The following RASAL2 variants were observed in gnomAD, a reference collection of about 807,000 sequenced individuals.
RASAL2 encodes the protein ras GTPase-activating protein nGAP.
In RASAL2, 58 loss-of-function variants were observed where a neutral mutation model predicts 128.9. That is an observed-to-expected ratio of 0.45 (90% confidence interval 0.36 to 0.56). The LOEUF (loss-of-function observed/expected upper bound fraction) is 0.56, where lower values mean the gene tolerates loss of function less well. RASAL2 is among the 20% of genes least tolerant of loss of function. The pLI is 0.00. For missense variants in RASAL2, 1,360 were observed against 1,601.6 expected (o/e 0.85, Z 2.57); for synonymous variants, 561 against 580.8 (o/e 0.97, Z 0.49).
chr1:178,159,893 A>T (rs1661215803), intron 1 of RASAL2, among the ~76,000 whole-genome samples: 1 of 152,126 alleles, frequency 6.6e-6, no homozygotes, highest in African/African-American at 2.4e-5. Context: ...CGACAGAGCA[A>T]GACTCTGTCT....
At chr1:178,329,206 G>A (rs997977970) in intron 3 of RASAL2, among the ~76,000 whole-genome samples, 1 of 152,136 alleles carries the variant, frequency 6.6e-6, no homozygotes. Context: ...GAGAAAAAAG[G>A]TAAGGTAAAA....
chr1:178,324,922 C>T (rs1469634437), intron 3 of RASAL2, among the ~76,000 whole-genome samples: 1 of 152,134 alleles, frequency 6.6e-6, no homozygotes, highest in Non-Finnish European at 1.5e-5. Flanking sequence ...CACCCACCTG[C>T]CAACTGGTCT....
At chr1:178,123,922 C>A in intron 1 of RASAL2, 1 of 152,528 alleles carries the variant, frequency 6.6e-6, no homozygotes, top group Non-Finnish European at 1.5e-5. Flanking sequence ...ATCCTTCTGC[C>A]TCGGCCTTCC....
chr1:178,277,018 G>T (rs931233463), intron 1 of RASAL2, among the ~76,000 whole-genome samples: 2 of 151,444 alleles, frequency 1.3e-5, no homozygotes, highest in Non-Finnish European at 2.9e-5. Flanking sequence ...TGTGGTGGCG[G>T]TCGCCTGTAG....
intron 4 of RASAL2, among the ~76,000 whole-genome samples, chr1:178,415,054 T>A (rs534285407): frequency 6.6e-6 from 1 of 152,270 alleles, no homozygotes; most frequent in East Asian, 1.9e-4. Flanking sequence ...ATCTATTGAT[T>A]TATTGTTTTC....
In RASAL2 at chr1:178,248,063, G is replaced by A. The variant is rs192652804; in HGVS notation, c.203-35501G>A. 5.5e-3 allele frequency among the ~76,000 whole-genome samples: 845 copies of A among 152,272 alleles called. 11 individuals are homozygous for A. Among genetic ancestry groups the A allele is most frequent in the African/African-American group, 0.019 (792 of 41,554 alleles). Reference sequence around the variant, plus strand: ...ATATTCTGTTGAGTTGGGGTGGAGAGTTCTGTAGATGTCTATTAGGTCCAC... The same window carrying A: ...ATATTCTGTTGAGTTGGGGTGGAGAATTCTGTAGATGTCTATTAGGTCCAC... On this transcript the variant is annotated intron_variant, in intron 1 of 17. Coordinates refer to ENST00000367649, the MANE Select transcript of RASAL2 (RefSeq NM_170692.4).
At chr1:178,114,788 C>T (rs1397305004) in intron 1 of RASAL2, among the ~76,000 whole-genome samples, 1 of 152,212 alleles carries the variant, frequency 6.6e-6, no homozygotes, top group Admixed American at 6.5e-5. Flanking sequence ...TCCCAAAGGG[C>T]TGGGATTACA....
At position 178,237,164 on chromosome 1, in the gene RASAL2, A is replaced by G. The variant is rs941784613; in HGVS notation, c.203-46400A>G. Among the ~76,000 whole-genome samples, 4 of 151,922 alleles carry G rather than the reference A, an allele frequency of 2.6e-5. No homozygotes were observed. In the South Asian group the frequency reaches 6.2e-4, roughly 24 times the overall value. On this transcript the variant is annotated intron_variant, in intron 1 of 17. Coordinates refer to ENST00000367649, the MANE Select transcript of RASAL2 (RefSeq NM_170692.4). ...TAAAAGTAAGGAATTAGAGCCTCAG[A>G]AAGTTTCAGTTACTTCTCCAAGACT...
chr1:178,429,945 GC>G (rs1417782812), intron 5 of RASAL2, among the ~76,000 whole-genome samples: 3 of 151,926 alleles, frequency 2.0e-5, no homozygotes, highest in African/African-American at 7.3e-5. Flanking sequence ...TAGACTAAGT[GC>G]CTACCCCACC....
At chr1:178,390,044 G>C in intron 3 of RASAL2, 56 bp from the exon 4 acceptor site, 1 of 1,143,948 alleles carries the variant, frequency 8.7e-7, no homozygotes, top group South Asian at 1.4e-5. Flanking sequence ...CAGTTCAGTG[G>C]AAGATCCTAA....
chr1:178,441,621 C>A lies in RASAL2; in HGVS notation c.901C>A (p.Leu301Ile). 6.2e-7 allele frequency: 1 copy of A among 1,612,284 alleles called. No individual in the cohort carries two copies. The highest frequency in any genetic ancestry group is 8.5e-7 in the Non-Finnish European group (1 of 1,178,882). The change falls in exon 7 of 18, where the codon CTT becomes ATT. Residue 301 changes from leucine (L) to isoleucine (I), a missense_variant. By Grantham distance (5) the Leu-to-Ile change is conservative. Around this residue, in one of 3 missense-constraint regions of RASAL2, gnomAD observed 617 missense variants for 714.2 expected, o/e 0.86. Coordinates refer to ENST00000367649, the MANE Select transcript of RASAL2 (RefSeq NM_170692.4). ...TGAGAGAGACAAGTGGATGGAAAAC[C>A]TTCGCAGGACAGTTCAACCTAATAA... ...ASERDKWMEN[L>I]RRTVQPNKDN...
chr1:178,207,728 C>T (rs1256642828), intron 1 of RASAL2, among the ~76,000 whole-genome samples: 5 of 152,036 alleles, frequency 3.3e-5, no homozygotes, highest in Non-Finnish European at 7.4e-5. Flanking sequence ...CAGTCCTCTC[C>T]CCACCCCCCA....
chr1:178,394,242 T>A (rs1390015480), intron 4 of RASAL2, among the ~76,000 whole-genome samples: 2 of 152,228 alleles, frequency 1.3e-5, no homozygotes, highest in Non-Finnish European at 2.9e-5. Flanking sequence ...ACAACTTTAG[T>A]CATTTGACAT....
Position 178,320,760 on chromosome 1 carries a change from G to T in RASAL2, c.457+20642G>T, listed in dbSNP as rs531247594. 2.6e-5 allele frequency among the ~76,000 whole-genome samples: 4 copies of T among 152,292 alleles called. No individual in the cohort carries two copies. The East Asian group carries it at 7.7e-4, about 29-fold the overall frequency. On this transcript the variant is annotated intron_variant, in intron 3 of 17. Coordinates refer to ENST00000367649, the MANE Select transcript of RASAL2 (RefSeq NM_170692.4). ...GCAGAAATCACCCGTCTTCTGCCTC[G>T]CTCACGCTGGGAGCTGTAGACCGGA...
intron 9 of RASAL2, among the ~76,000 whole-genome samples, chr1:178,445,937 T>G (rs1215850737): frequency 1.3e-5 from 2 of 152,190 alleles, no homozygotes; most frequent in Non-Finnish European, 2.9e-5. Context: ...CAGTGTCCAC[T>G]GATAGATCTG....
chr1:178,156,414 T>G (rs1661086010), intron 1 of RASAL2, among the ~76,000 whole-genome samples: 1 of 152,230 alleles, frequency 6.6e-6, no homozygotes, highest in South Asian at 2.1e-4. Context: ...AATGTGTTGG[T>G]TTAATGGACT....
intron 8 of RASAL2, among the ~76,000 whole-genome samples, chr1:178,444,169 T>C (rs1023280140): frequency 6.6e-6 from 1 of 152,198 alleles, no homozygotes; most frequent in Non-Finnish European, 1.5e-5. Context: ...ATATTTCTAC[T>C]TTTCAGTTGC....
At chr1:178,232,865 A>G (rs543946318) in intron 1 of RASAL2, among the ~76,000 whole-genome samples, 1 of 152,170 alleles carries the variant, frequency 6.6e-6, no homozygotes, top group South Asian at 2.1e-4. Context: ...TCTGTTTTTA[A>G]CTCGCTATCA....
At chr1:178,285,357 T>G (rs1666978875) in intron 2 of RASAL2, among the ~76,000 whole-genome samples, 1 of 151,610 alleles carries the variant, frequency 6.6e-6, no homozygotes, top group African/African-American at 2.4e-5. Flanking sequence ...CCTGACCTCA[T>G]GATCCACCCG....
Sources: gnomAD v4.1 joint callset for allele counts (sites outside exome capture counted in the v4.1 genomes callset) on GRCh38, gnomAD v4.1.1 for gene constraint, gnomAD v4.1.1 regional missense constraint, MANE v1.5 for transcripts, NCBI Gene and HGNC (gene_info 2026-07-23, HGNC 2026-07-21) for gene names.